FAM135B: variants seen among roughly 807,000 people sequenced by gnomAD.
FAM135B encodes protein FAM135B.
In FAM135B, 43 loss-of-function variants were observed where a neutral mutation model predicts 127.7. That is an observed-to-expected ratio of 0.34 (90% CI 0.26 to 0.43). The LOEUF (loss-of-function observed/expected upper bound fraction) is 0.43, where lower values mean the gene tolerates loss of function less well. FAM135B is among the 20% of genes least tolerant of loss of function. FAM135B has a pLI of 1.00. For synonymous variants in FAM135B, 670 were observed against 665.1 expected (o/e 1.01, Z -0.11); for missense variants, 1,558 against 1,725.6 (o/e 0.90, Z 1.72).
chr8:138,149,604 C>A (rs879614581), intron 13 of FAM135B, among the ~76,000 whole-genome samples: 1 of 152,096 alleles, frequency 6.6e-6, no homozygotes, highest in Non-Finnish European at 1.5e-5. Flanking sequence ...GTCAGAATCT[C>A]AAATTTGACA....
chr8:138,286,541 A>G (rs946350340), intron 3 of FAM135B, among the ~76,000 whole-genome samples: 4 of 152,158 alleles, frequency 2.6e-5, no homozygotes, highest in South Asian at 2.1e-4. Flanking sequence ...GCACAGGGAT[A>G]TTTCACTCCT....
intron 7 of FAM135B, among the ~76,000 whole-genome samples, chr8:138,202,302 T>C (rs1817200918): frequency 6.6e-6 from 1 of 151,782 alleles, no homozygotes; most frequent in Admixed American, 6.6e-5. Context: ...CAGGTTGGAG[T>C]ACAGTGGCGC....
At chr8:138,221,206 TG>T (rs964840660) in intron 7 of FAM135B, among the ~76,000 whole-genome samples, 3 of 152,186 alleles carry the variant, frequency 2.0e-5, no homozygotes, top group African/African-American at 4.8e-5. Context: ...TACTGGCTTC[TG>T]TTTCTGGGGA....
intron 2 of FAM135B, among the ~76,000 whole-genome samples, chr8:138,321,805 G>A (rs1470275103): frequency 6.6e-6 from 1 of 152,208 alleles, no homozygotes; most frequent in East Asian, 1.9e-4. Context: ...TGGGCACCCA[G>A]CATCACACTT....
chr8:138,435,687 A>G (rs577369254), intron 1 of FAM135B, among the ~76,000 whole-genome samples: 1 of 152,302 alleles, frequency 6.6e-6, no homozygotes, highest in African/African-American at 2.4e-5. Flanking sequence ...TTAGGTCTAC[A>G]ATAAATATTT....
rs991811917 is a variant in FAM135B, at chr8:138,260,445, C to A, written c.298-3686G>T. Among the ~76,000 whole-genome samples the A allele has an allele frequency of 2.0e-5, 3 of 152,146 alleles. No homozygotes were observed. In the South Asian group the frequency reaches 6.2e-4, roughly 32 times the overall value. On this transcript the variant is annotated intron_variant, in intron 4 of 19. Transcript: ENST00000395297. ...TAGTGCCCCCGCGAAAGGGGCACTG[C>A]CTCTGCTGTTAGTGCTAAGATCCTT...
chr8:138,432,049 G>T (rs1313472150), intron 1 of FAM135B, among the ~76,000 whole-genome samples: 3 of 152,160 alleles, frequency 2.0e-5, no homozygotes, highest in Admixed American at 2.0e-4. Context: ...AGCACAACTG[G>T]CTAATACCCA....
intron 1 of FAM135B, among the ~76,000 whole-genome samples, chr8:138,381,752 C>A (rs534879335): frequency 2.0e-5 from 3 of 152,142 alleles, no homozygotes; most frequent in African/African-American, 7.2e-5. Context: ...GAATTATACC[C>A]GTCTTATTTT....
At chr8:138,376,502 T>A (rs1173520655) in intron 1 of FAM135B, among the ~76,000 whole-genome samples, 1 of 152,208 alleles carries the variant, frequency 6.6e-6, no homozygotes, top group Non-Finnish European at 1.5e-5. Context: ...GTTCTGCTTA[T>A]CTCAAAAGTT....
intron 7 of FAM135B, among the ~76,000 whole-genome samples, chr8:138,239,065 C>T (rs192155881): frequency 1.9e-4 from 29 of 152,276 alleles, no homozygotes; most frequent in Admixed American, 5.2e-4. Flanking sequence ...TATCATGGGC[C>T]TAAGTCTATT....
chr8:138,197,410 G>T (rs1046091992), intron 8 of FAM135B, 106 bp downstream of exon 8: 202 of 1,376,332 alleles, frequency 1.5e-4, no homozygotes, highest in Non-Finnish European at 1.9e-4. Flanking sequence ...CTGGACCAGG[G>T]TTATTCCTGT....
chr8:138,328,568 T>G (rs10093201), intron 2 of FAM135B, among the ~76,000 whole-genome samples: 76,625 of 151,962 alleles, frequency 0.5, 20,732 homozygotes, highest in Non-Finnish European at 0.62. Flanking sequence ...GGCCAGAGTA[T>G]GGGATGGGTA....
At position 138,142,285 on chromosome 8, in the gene FAM135B, CTTCTTT is replaced by C. The variant is rs1425972676; in HGVS notation, c.3638+721_3638+726del. ...TTGGGGTGGGCAACTCATTCTGCTT[CTTCTTT>C]TTTTTTTTTTTTTTTTTTTTTTTTT... On this transcript the variant is annotated intron_variant, in intron 16 of 19. Coordinates refer to ENST00000395297, the MANE Select transcript of FAM135B (RefSeq NM_015912.4). Among the ~76,000 whole-genome samples the C allele has an allele frequency of 2.4e-3, 241 of 99,926 alleles. 10 individuals carry two copies. Among genetic ancestry groups the C allele is most frequent in the South Asian group, 3.6e-3 (10 of 2,746 alleles). The allele number at this position is 99,926 out of a possible 152,430, so 65.6% of individuals were successfully genotyped here. A position where few individuals can be genotyped will look rare whatever the true frequency, so the allele number is the denominator to read the frequency against.
chr8:138,312,184 A>G (rs1325193410), intron 2 of FAM135B, among the ~76,000 whole-genome samples: 2 of 152,070 alleles, frequency 1.3e-5, no homozygotes, highest in Admixed American at 1.3e-4. Flanking sequence ...TGACCTCATG[A>G]TCCACCTGCC....
chr8:138,168,541 G>A (rs918449780), intron 11 of FAM135B, among the ~76,000 whole-genome samples: 2 of 151,962 alleles, frequency 1.3e-5, no homozygotes, highest in African/African-American at 2.4e-5. Context: ...GTGGCATCCT[G>A]GATGAAGGTA....
intron 2 of FAM135B, among the ~76,000 whole-genome samples, chr8:138,337,413 C>T (rs1390107490): frequency 6.6e-6 from 1 of 152,086 alleles, no homozygotes; most frequent in Non-Finnish European, 1.5e-5. Flanking sequence ...AGCAAAGTCT[C>T]AGGATACAAA....
chr8:138,481,372 T>C (rs1814772283), intron 1 of FAM135B, among the ~76,000 whole-genome samples: 1 of 152,214 alleles, frequency 6.6e-6, no homozygotes, highest in Admixed American at 6.5e-5. Flanking sequence ...TCAGAGCTAG[T>C]GAGTGGCACA....
intron 1 of FAM135B, among the ~76,000 whole-genome samples, chr8:138,430,490 TG>T (rs1411880897): frequency 6.6e-6 from 1 of 152,210 alleles, no homozygotes; most frequent in Non-Finnish European, 1.5e-5. Context: ...AGCTCTCAGC[TG>T]AGGCTGGGAT....
At chr8:138,400,633 C>T (rs1174940880) in intron 1 of FAM135B, among the ~76,000 whole-genome samples, 2 of 152,160 alleles carry the variant, frequency 1.3e-5, no homozygotes, top group Non-Finnish European at 2.9e-5. Flanking sequence ...GAGGAATCCC[C>T]TGTATTCCCT....
Sources: gnomAD v4.1 joint callset for allele counts (sites outside exome capture counted in the v4.1 genomes callset) on GRCh38, gnomAD v4.1.1 for gene constraint, MANE v1.5 for transcripts, NCBI Gene and HGNC (gene_info 2026-07-23, HGNC 2026-07-21) for gene names.